The following LIPA variants were observed in gnomAD, a reference collection of about 807,000 sequenced individuals.
The protein encoded by LIPA is lipase A, lysosomal acid type, also known as lysosomal acid lipase/cholesteryl ester hydrolase.
A neutral mutation model predicts 40.6 loss-of-function variants in LIPA; 26 were observed. That is an observed-to-expected ratio of 0.64 (90% CI 0.47 to 0.89). The LOEUF is 0.89. Among genes scored for constraint, LIPA ranks in the 40% least tolerant of loss-of-function variants. LIPA has a pLI of 0.00. For missense variants in LIPA, 455 were observed against 479.6 expected, an observed-to-expected ratio of 0.95 and a Z score of 0.48; for synonymous variants, 188 against 168.4, an observed-to-expected ratio of 1.12 and a Z score of -0.90.
intron 3 of LIPA, among the ~76,000 whole-genome samples, chr10:89,241,592 T>C (rs189657940): frequency 6.6e-6 from 1 of 152,332 alleles, no homozygotes; most frequent in Admixed American, 6.5e-5. Context: ...TTCTAAAGAC[T>C]TAACTCACAA....
rs60280965 is a variant in LIPA at position 89,407,473 on chromosome 10, G to A, written c.61+5318C>T. 1.6e-4 allele frequency among the ~76,000 whole-genome samples: 25 copies of A among 152,228 alleles called. No individual in the cohort carries two copies. In the East Asian group the frequency reaches 3.9e-3, roughly 23 times the overall value. ...CATAATTTTTGCCCAAAGCCCCATC[G>A]TATGGGGGACTATCTGGAATTTTAG... On this transcript the variant is annotated intron_variant, in intron 2 of 8. Transcript: ENST00000371837.
chr10:89,328,387 C>G (rs1843619781), intron 1 of LIPA, among the ~76,000 whole-genome samples: 1 of 152,172 alleles, frequency 6.6e-6, no homozygotes, highest in Non-Finnish European at 1.5e-5. Context: ...GAAGGCTTGG[C>G]AGGAGCGGTG....
chr10:89,238,173 G>T (rs1242905847), intron 3 of LIPA, among the ~76,000 whole-genome samples: 1 of 152,208 alleles, frequency 6.6e-6, no homozygotes, highest in Non-Finnish European at 1.5e-5. Context: ...ATGGCAAAAA[G>T]GTGGAGGGTG....
intron 2 of LIPA, among the ~76,000 whole-genome samples, chr10:89,388,699 A>C (rs1844225189): frequency 6.6e-6 from 1 of 152,152 alleles, no homozygotes; most frequent in Non-Finnish European, 1.5e-5. Context: ...ACAGCTATAT[A>C]AGATGTCACT....
chr10:89,352,788 TAAAAAAA>T lies in LIPA; in HGVS notation c.61+59996_61+60002del, dbSNP rs34514402. Among the ~76,000 whole-genome samples the T allele has an allele frequency of 4.3e-3, 486 of 113,140 alleles. 7 individuals are homozygous for T. Among genetic ancestry groups the T allele is most frequent in the African/African-American group, 0.014 (437 of 30,862 alleles). The allele number at this position is 113,140 out of a possible 152,430, so 74.2% of individuals were successfully genotyped here. ...TTCCTAAATGAGATAACTACAAAGA[TAAAAAAA>T]AAAAAAAAAAAAAAGCTACATACTT... On this transcript the variant is annotated intron_variant, in intron 2 of 8. Coordinates refer to the LIPA transcript ENST00000371837.
intron 1 of LIPA, among the ~76,000 whole-genome samples, chr10:89,248,312 C>G (rs1843060134): frequency 6.6e-6 from 1 of 151,330 alleles, no homozygotes; most frequent in Non-Finnish European, 1.5e-5. Flanking sequence ...CAGGTGCAGG[C>G]CACCATGCCC....
At chr10:89,379,472 T>G (rs758358897) in intron 2 of LIPA, among the ~76,000 whole-genome samples, 4 of 152,200 alleles carry the variant, frequency 2.6e-5, no homozygotes, top group Non-Finnish European at 4.4e-5. Context: ...AAATATATAT[T>G]TCTTTTTTTC....
At chr10:89,286,178 G>A (rs917574233) in intron 1 of LIPA, among the ~76,000 whole-genome samples, 6 of 151,974 alleles carry the variant, frequency 3.9e-5, no homozygotes, top group East Asian at 3.9e-4. Flanking sequence ...TTTACACATC[G>A]GTCCCTCGTC....
At chr10:89,383,959 G>A in intron 2 of LIPA, 4 of 1,614,200 alleles carry the variant, frequency 2.5e-6, no homozygotes, top group Non-Finnish European at 3.4e-6. Context: ...AAATCCAGAT[G>A]ATGTATATAT....
intron 1 of LIPA, among the ~76,000 whole-genome samples, chr10:89,276,591 G>A (rs1483631510): frequency 6.6e-6 from 1 of 152,168 alleles, no homozygotes; most frequent in Non-Finnish European, 1.5e-5. Flanking sequence ...ATGATCAAAT[G>A]ACCTTAACCA....
intron 1 of LIPA, among the ~76,000 whole-genome samples, chr10:89,315,415 C>T (rs1387319389): frequency 6.6e-6 from 1 of 152,130 alleles, no homozygotes; most frequent in Non-Finnish European, 1.5e-5. Flanking sequence ...TTGGAAACAC[C>T]ATATGTCATG....
In LIPA at chr10:89,250,529, T is replaced by C. The variant is rs145435836; in HGVS notation, c.-2+1208A>G. ...GATTGTACAGCCCCAGGCTATTTTT[T>C]ATCATAAATGCAACCTCCCAAAAGT... On this transcript the variant is annotated intron_variant, in intron 1 of 9. Transcript: ENST00000336233. Among the ~76,000 whole-genome samples, 491 of 152,302 alleles carry C rather than the reference T, an allele frequency of 3.2e-3. 1 individual carries two copies. The highest frequency in any genetic ancestry group is 0.011 in the African/African-American group (465 of 41,544).
At chr10:89,338,756 T>C in intron 1 of LIPA, 1 of 1,614,072 alleles carries the variant, frequency 6.2e-7, no homozygotes, top group African/African-American at 1.3e-5. Flanking sequence ...TCAAGGGATC[T>C]AGAAGATAGA....
chr10:89,325,575 G>A (rs1843593770), intron 1 of LIPA, among the ~76,000 whole-genome samples: 2 of 152,156 alleles, frequency 1.3e-5, no homozygotes, highest in South Asian at 4.1e-4. Context: ...TAATGTGAAT[G>A]GAACTGGAGG....
chr10:89,215,001 C>T lies in LIPA; in HGVS notation c.1027G>A (p.Gly343Ser). The change falls in exon 10 of 10, where the codon GGT (glycine) becomes AGT (serine). Residue 343 changes from glycine (G) to serine (S), a missense_variant. Coordinates refer to ENST00000336233, the MANE Select transcript of LIPA (RefSeq NM_000235.4). The stretch of plus-strand genomic sequence containing the variant: ...TAGACATCTGCAAGCCAGTCGTGAC[C>T]CCCGCTCCAGACTGCAGTCGGCACA... Reference protein sequence around the residue: ...MLVPTAVWSGGHDWLADVYDV... With the variant: ...MLVPTAVWSGSHDWLADVYDV... 6.2e-7 allele frequency: 1 copy of T among 1,614,146 alleles called. No individual in the cohort carries two copies. The highest frequency in any genetic ancestry group is 1.1e-5 in the South Asian group (1 of 91,084).
intron 1 of LIPA, among the ~76,000 whole-genome samples, chr10:89,303,195 G>T (rs938170067): frequency 6.6e-5 from 10 of 151,862 alleles, no homozygotes; most frequent in Admixed American, 2.6e-4. Context: ...ACTTTCACTG[G>T]GCATTGCCCT....
chr10:89,234,157 T>C (rs907464341), intron 3 of LIPA, among the ~76,000 whole-genome samples: 5 of 152,204 alleles, frequency 3.3e-5, no homozygotes, highest in East Asian at 1.9e-4. Flanking sequence ...GGAGAAAACA[T>C]AGGAGCCAGA....
At chr10:89,355,075 G>T (rs1843982214) in intron 2 of LIPA, among the ~76,000 whole-genome samples, 1 of 152,186 alleles carries the variant, frequency 6.6e-6, no homozygotes, top group African/African-American at 2.4e-5. Context: ...GTGTCAAAAG[G>T]CCAATTTTAG....
At chr10:89,337,902 T>G (rs1843770702) in intron 1 of LIPA, among the ~76,000 whole-genome samples, 1 of 152,202 alleles carries the variant, frequency 6.6e-6, no homozygotes, top group Admixed American at 6.5e-5. Flanking sequence ...GGTACAAAAG[T>G]GATAATTCCA....
Sources: gnomAD v4.1 joint callset for allele counts (sites outside exome capture counted in the v4.1 genomes callset) on GRCh38, gnomAD v4.1.1 for gene constraint, MANE v1.5 for transcripts, NCBI Gene and HGNC (gene_info 2026-07-23, HGNC 2026-07-21) for gene names.